SRGAP2C: variants seen among roughly 807,000 people sequenced by gnomAD.
SRGAP2C encodes SLIT-ROBO Rho GTPase-activating protein 2C.
A neutral mutation model predicts 25.1 loss-of-function variants in SRGAP2C; 15 were observed. The ratio of observed to expected loss-of-function variants is 0.60; its 90% confidence interval spans 0.40 to 0.92. The LOEUF is 0.92. SRGAP2C is among the 40% of genes least tolerant of loss of function. The pLI is 0.00. For synonymous variants in SRGAP2C, 44 were observed against 96.6 expected, an observed-to-expected ratio of 0.46 and a Z score of 3.19; for missense variants, 144 against 264.4, an observed-to-expected ratio of 0.54 and a Z score of 3.16.
Position 121,234,947 on chromosome 1 carries a change from C to T in SRGAP2C, c.67+47434C>T, listed in dbSNP as rs587713333. Among the ~76,000 whole-genome samples the T allele has an allele frequency of 9.3e-3, 1,419 of 151,870 alleles. 23 individuals are homozygous for T. The highest frequency in any genetic ancestry group is 0.032 in the African/African-American group (1,320 of 41,282). ...CTCCAGAACTGTAAGAAATTCTTTT[C>T]TCTTTTCTTTTCTTCTTTTCTTTCC... is the stretch of plus-strand genomic sequence containing the variant. On this transcript the variant is annotated intron_variant, in intron 2 of 9. Coordinates refer to ENST00000367123, the MANE Select transcript of SRGAP2C (RefSeq NM_001329984.2).
At chr1:121,331,172 A>AAAAAAAAAAAG (rs1658423153) in intron 4 of SRGAP2C, among the ~76,000 whole-genome samples, 1 of 130,956 alleles carries the variant, frequency 7.6e-6, no homozygotes, top group Non-Finnish European at 1.6e-5. Context: ...AAAAAAAAAA[A>AAAAAAAAAAAG]AGAGGTCCAT....
intron 4 of SRGAP2C, among the ~76,000 whole-genome samples, chr1:121,346,745 C>T (rs1471050729): frequency 8.5e-5 from 13 of 152,070 alleles, no homozygotes; most frequent in African/African-American, 3.1e-4. Context: ...TTTTCTGCCG[C>T]TGCTGATGTG....
intron 2 of SRGAP2C, among the ~76,000 whole-genome samples, chr1:121,266,551 A>G (rs1208324496): frequency 6.7e-6 from 1 of 149,068 alleles, no homozygotes; most frequent in Admixed American, 6.7e-5. Context: ...GAAACGAAGG[A>G]GTTGCCATGA....
At chr1:121,266,771 GT>G (rs1656796890) in intron 2 of SRGAP2C, among the ~76,000 whole-genome samples, 2 of 141,888 alleles carry the variant, frequency 1.4e-5, no homozygotes, top group African/African-American at 2.6e-5. Context: ...TGCTGTTGCT[GT>G]TCCTTTTCTT....
chr1:121,248,638 G>A (rs1457105774), intron 2 of SRGAP2C, among the ~76,000 whole-genome samples: 1 of 147,846 alleles, frequency 6.8e-6, no homozygotes, highest in Non-Finnish European at 1.5e-5. Flanking sequence ...AGTAGAGACG[G>A]GGTTTCACCG....
intron 4 of SRGAP2C, among the ~76,000 whole-genome samples, chr1:121,335,379 TAAA>T (rs1658490090): frequency 7.1e-6 from 1 of 141,794 alleles, no homozygotes; most frequent in African/African-American, 2.7e-5. Flanking sequence ...AATAAATAAA[TAAA>T]TAAATAAAAC....
At chr1:121,211,058 G>A (rs1304109444) in intron 2 of SRGAP2C, among the ~76,000 whole-genome samples, 4 of 142,482 alleles carry the variant, frequency 2.8e-5, no homozygotes, top group Admixed American at 1.4e-4. Context: ...AATCTCTGCA[G>A]TTCCTTGAAA....
At chr1:121,279,815 A>G (rs1360698076) in intron 2 of SRGAP2C, among the ~76,000 whole-genome samples, 1 of 141,284 alleles carries the variant, frequency 7.1e-6, no homozygotes, top group East Asian at 2.1e-4. Flanking sequence ...GTCATGGCCA[A>G]GCCTACGGCC....
chr1:121,203,819 C>CT (rs1208420955), intron 2 of SRGAP2C, among the ~76,000 whole-genome samples: 23 of 105,872 alleles, frequency 2.2e-4, no homozygotes, highest in South Asian at 3.5e-4. Context: ...TAGGATTGGC[C>CT]TTTTTTTTTC....
At chr1:121,186,426 A>G (rs1221987340) in intron 1 of SRGAP2C, among the ~76,000 whole-genome samples, 1 of 98,754 alleles carries the variant, frequency 1.0e-5, no homozygotes, top group African/African-American at 3.8e-5. Context: ...GAAGCTAGTA[A>G]CCAAAAACAA....
intron 3 of SRGAP2C, among the ~76,000 whole-genome samples, chr1:121,307,405 G>GT (rs1657865295): frequency 6.7e-6 from 1 of 149,586 alleles, no homozygotes; most frequent in Admixed American, 6.7e-5. Flanking sequence ...TAAGAGCATT[G>GT]TTTTTTAAAT....
intron 2 of SRGAP2C, among the ~76,000 whole-genome samples, chr1:121,259,726 G>T (rs1553333159): frequency 6.6e-6 from 1 of 151,000 alleles, no homozygotes; most frequent in African/African-American, 2.4e-5. Flanking sequence ...CAATAAACAT[G>T]ATGAATATAT....
intron 3 of SRGAP2C, among the ~76,000 whole-genome samples, chr1:121,321,234 C>T (rs1239703657): frequency 1.5e-5 from 2 of 135,436 alleles, no homozygotes; most frequent in Non-Finnish European, 3.1e-5. Context: ...GATGTGTCAC[C>T]GTTTTTTAAA....
rs1284427252 is a variant in SRGAP2C at position 121,294,812 on chromosome 1, C to T, written c.260+9817C>T. ...AGTATCTTTTCACCGTTTCTCCCAG[C>T]TTCTTTCTCTCCTCAACACATATTT... On this transcript the variant is annotated intron_variant, in intron 3 of 9. Transcript: ENST00000367123. Among the ~76,000 whole-genome samples the T allele has an allele frequency of 6.3e-5, 9 of 142,564 alleles. No homozygotes were observed. The East Asian group carries it at 1.0e-3, about 16-fold the overall frequency. The allele number at this position is 142,564 out of a possible 152,430, so 93.5% of individuals were successfully genotyped here.
At chr1:121,268,313 G>T (rs1553334690) in intron 2 of SRGAP2C, among the ~76,000 whole-genome samples, 1 of 150,640 alleles carries the variant, frequency 6.6e-6, no homozygotes, top group Admixed American at 6.6e-5. Flanking sequence ...ATATGCAAAG[G>T]CCCTGAGGTG....
intron 2 of SRGAP2C, among the ~76,000 whole-genome samples, chr1:121,191,459 AT>A (rs199642809): frequency 0.011 from 1,551 of 146,114 alleles, 27 homozygotes; most frequent in East Asian, 0.071. Flanking sequence ...TTCCATTCCC[AT>A]TTGGTTGAAT....
At chr1:121,231,394 G>A (rs1553327527) in intron 2 of SRGAP2C, among the ~76,000 whole-genome samples, 2 of 148,310 alleles carry the variant, frequency 1.3e-5, no homozygotes, top group Non-Finnish European at 2.9e-5. Context: ...ATATTTGTTG[G>A]TTGAATGAAT....
chr1:121,237,599 G>A (rs1655989964), intron 2 of SRGAP2C, among the ~76,000 whole-genome samples: 1 of 151,716 alleles, frequency 6.6e-6, no homozygotes, highest in Non-Finnish European at 1.5e-5. Context: ...GAAGCTTTTA[G>A]ATGCTAAGTA....
At chr1:121,213,699 C>G (rs1553324267) in intron 2 of SRGAP2C, among the ~76,000 whole-genome samples, 2 of 73,438 alleles carry the variant, frequency 2.7e-5, no homozygotes, top group South Asian at 6.7e-4. Context: ...ATGGCCTGGG[C>G]GCTCACAGTA....
Sources: gnomAD v4.1 joint callset for allele counts (sites outside exome capture counted in the v4.1 genomes callset) on GRCh38, gnomAD v4.1.1 for gene constraint, MANE v1.5 for transcripts, NCBI Gene and HGNC (gene_info 2026-07-23, HGNC 2026-07-21) for gene names.